The following IGSF9B variants were observed in gnomAD, a reference collection of about 807,000 sequenced individuals.
The protein encoded by IGSF9B is immunoglobulin superfamily member 9B, also known as protein turtle homolog B.
In IGSF9B, 48 loss-of-function variants were observed where a neutral mutation model predicts 143.7. The observed-to-expected ratio is 0.33, with a 90% CI of 0.26 to 0.42. IGSF9B has a LOEUF of 0.42. Among genes scored for constraint, IGSF9B ranks in the 20% least tolerant of loss-of-function variants. The pLI is 1.00. For missense variants in IGSF9B, 1,706 were observed against 1,980.0 expected, an observed-to-expected ratio of 0.86 and a Z score of 2.63; for synonymous variants, 903 against 833.1, an observed-to-expected ratio of 1.08 and a Z score of -1.44.
At position 133,925,727 on chromosome 11, in the gene IGSF9B, C is replaced by G. The variant is rs759282975; in HGVS notation, c.2034+12G>C. ...TTTGGGAAGCAGCAGCAAGGAAGAG[C>G]AAAGCCCTCACCTGTGACAGATCCT... On this transcript the variant is annotated intron_variant, in intron 14 of 19. Transcript: ENST00000533871. The G allele has an allele frequency of 3.7e-6, 6 of 1,608,290 alleles. No homozygotes were observed. In the African/African-American group the frequency reaches 8.0e-5, roughly 21 times the overall value.
rs1591704681 is a variant in IGSF9B at position 133,904,217 on chromosome 11, C to T, written c.*4852G>A. Among the ~76,000 whole-genome samples, 1 of 152,234 alleles carries T rather than the reference C, an allele frequency of 6.6e-6. No individual in the cohort carries two copies. The highest frequency in any genetic ancestry group is 3.4e-3 in the Middle Eastern group (1 of 294). ...TCTATCACCATCACCATCACCAAGGCCCATGAACATTTTCAGATTGTGGAC... is the reference window on the plus strand; with the variant it reads ...TCTATCACCATCACCATCACCAAGGTCCATGAACATTTTCAGATTGTGGAC... On this transcript the variant is annotated 3_prime_UTR_variant, in exon 20 of 20. Transcript: ENST00000533871.
intron 19 of IGSF9B, among the ~76,000 whole-genome samples, chr11:133,910,591 C>A (rs1479148400): frequency 6.6e-6 from 1 of 152,096 alleles, no homozygotes; most frequent in Non-Finnish European, 1.5e-5. Context: ...AGAGGCTGAT[C>A]AATAACTCTG....
At chr11:133,947,206 G>T (rs898319386) in intron 1 of IGSF9B, among the ~76,000 whole-genome samples, 1 of 152,100 alleles carries the variant, frequency 6.6e-6, no homozygotes, top group Non-Finnish European at 1.5e-5. Flanking sequence ...CACCCCAAGC[G>T]CCGCAGCACC....
At position 133,929,594 on chromosome 11, in the gene IGSF9B, G is replaced by T. The variant is rs369385378; in HGVS notation, c.1631+77C>A. The stretch of plus-strand genomic sequence containing the variant: ...AGCCTCCTCCTACCTCCCCCCACCC[G>T]GGGTAGCCTGCAGGAAGACCGGGGA... On this transcript the variant is annotated intron_variant, in intron 12 of 19. Transcript: ENST00000533871. 8.3e-6 allele frequency: 9 copies of T among 1,085,108 alleles called. No homozygotes were observed. In the South Asian group the frequency reaches 1.2e-4, roughly 14 times the overall value. 67.2% of individuals were successfully genotyped at this position (1,085,108 alleles called of 1,614,324 possible).
chr11:133,932,031 G>A lies in IGSF9B; in HGVS notation c.1110+40C>T, dbSNP rs115919111. On this transcript the variant is annotated intron_variant, in intron 8 of 19. Coordinates refer to ENST00000533871, the MANE Select transcript of IGSF9B (RefSeq NM_001277285.4). The stretch of plus-strand genomic sequence containing the variant: ...AGAGGTGGCATCACAGTACTGGGGG[G>A]AGCCCTCACTCCAACCCTCAACATG... The A allele has an allele frequency of 3.1e-3, 4,915 of 1,587,356 alleles. 114 individuals are homozygous for A. The African/African-American group carries it at 0.053, about 17-fold the overall frequency.
chr11:133,919,716 G>A, intron 18 of IGSF9B, 26 bp downstream of exon 18: 1 of 1,345,392 alleles, frequency 7.4e-7, no homozygotes, highest in Non-Finnish European at 9.7e-7. Flanking sequence ...CCCAGGTGCG[G>A]GTGGCGGAAG....
chr11:133,935,785 G>C lies in IGSF9B; in HGVS notation c.822-23C>G. 1.9e-6 allele frequency: 3 copies of C among 1,606,354 alleles called. No homozygotes were observed. In the Middle Eastern group the frequency reaches 5.0e-4, roughly 266 times the overall value. ...TCGCTGCAAAGCGGCATGGGGACAG[G>C]GGGTTGGGCGAGCAGAAGGGGATCT... On this transcript the variant is annotated intron_variant, in intron 6 of 19. Coordinates refer to ENST00000533871, the MANE Select transcript of IGSF9B (RefSeq NM_001277285.4).
intron 11 of IGSF9B, among the ~76,000 whole-genome samples, chr11:133,930,089 C>T (rs1311643042): frequency 6.6e-6 from 1 of 152,162 alleles, no homozygotes; most frequent in Non-Finnish European, 1.5e-5. Context: ...TCCTGTGCTT[C>T]TCTGGTGAGC....
chr11:133,945,521 C>T lies in IGSF9B; in HGVS notation c.262+540G>A, dbSNP rs1342895397. ...CTCCCGCGGGCTGGGGGGCAGGCAG[C>T]GGCAGTGAGTCACGAGGCCTTTGCT... is the stretch of plus-strand genomic sequence containing the variant. On this transcript the variant is annotated intron_variant, in intron 2 of 19. Transcript: ENST00000533871. This position sits in a 1 kb window ranked among gnomAD's most constrained non-coding sequence, Gnocchi z 4.6. Among the ~76,000 whole-genome samples, 5 of 152,188 alleles carry T rather than the reference C, an allele frequency of 3.3e-5. No individual in the cohort carries two copies. The highest frequency in any genetic ancestry group is 5.9e-5 in the Non-Finnish European group (4 of 68,032).
intron 14 of IGSF9B, 34 bp downstream of exon 14, chr11:133,925,704 TG>T (rs1281730472): frequency 6.4e-7 from 1 of 1,571,590 alleles, no homozygotes; most frequent in Non-Finnish European, 8.7e-7. Context: ...TTCCCGGATT[TG>T]GGAAGCAGCA....
rs12099253 is a variant in IGSF9B at position 133,931,379 on chromosome 11, A to C, written c.1368+74T>G. 1,166 of 1,132,582 alleles carry C rather than the reference A, an allele frequency of 1.0e-3. 6 individuals carry two copies. The African/African-American group carries it at 0.014, about 14-fold the overall frequency. 70.2% of individuals were successfully genotyped at this position (1,132,582 alleles called of 1,614,324 possible). ...AGCCCCGGGGCTCGCTGGGCCCTCA[A>C]ACCTCCCCGCAGCCCCAGGGCTCCC... On this transcript the variant is annotated intron_variant, in intron 10 of 19. Transcript: ENST00000533871. This position sits in a 1 kb window ranked among gnomAD's most constrained non-coding sequence, Gnocchi z 7.7.
chr11:133,920,482 G>A lies in IGSF9B; in HGVS notation c.3243C>T (p.Pro1081=). The part of the protein sequence containing the change: ...QPKAGLPRGL[P]PTSLQVPAAY... ...CCGCGGGCACCTGCAGGGAGGTGGG[G>A]GGCAGTCCTCGGGGGAGGCCGGCCT... is the stretch of plus-strand genomic sequence containing the variant. The change falls in exon 18 of 20, where the codon CCC becomes CCT. Residue 1081 remains proline, a synonymous_variant. Coordinates refer to ENST00000533871, the MANE Select transcript of IGSF9B (RefSeq NM_001277285.4). The A allele has an allele frequency of 6.3e-7, 1 of 1,575,644 alleles. No individual in the cohort carries two copies. Among genetic ancestry groups the A allele is most frequent in the Non-Finnish European group, 8.6e-7 (1 of 1,159,780 alleles).
chr11:133,955,254 TTCCGCCA>T (rs1940230646), intron 1 of IGSF9B, among the ~76,000 whole-genome samples: 1 of 152,152 alleles, frequency 6.6e-6, no homozygotes, highest in Admixed American at 6.5e-5. Context: ...TTCCGTAAGC[TTCCGCCA>T]TCACCCTTGC....
chr11:133,927,170 G>T, intron 12 of IGSF9B, 79 bp from the exon 13 acceptor site: 2 of 1,210,100 alleles, frequency 1.7e-6, no homozygotes, highest in Non-Finnish European at 1.2e-6. Context: ...CATGCAGGGT[G>T]CTCAGGGAGA....
chr11:133,943,152 C>T (rs1203756354), intron 3 of IGSF9B, among the ~76,000 whole-genome samples: 5 of 152,156 alleles, frequency 3.3e-5, no homozygotes, highest in African/African-American at 1.2e-4. Context: ...CATCTATGGT[C>T]TCAAGGACCG....
At position 133,921,362 on chromosome 11, in the gene IGSF9B, C is replaced by A. The variant is rs750480606; in HGVS notation, c.2363G>T (p.Arg788Leu). Residue 788 changes from arginine to leucine, a missense_variant, in exon 18 of 20, where the codon CGC (arginine) becomes CTC (leucine). Physicochemically the swap from Arg to Leu is moderately radical, Grantham distance 102. Around this residue, in one of 7 missense-constraint regions of IGSF9B, gnomAD observed 135 missense variants for 181.3 expected, o/e 0.74. Transcript: ENST00000533871. ...GGATTCTGACGGCGCTCGGAGCGTGCGGATGCTCTCGGGGCTCACCTTGCC... is the reference window on the plus strand; with the variant it reads ...GGATTCTGACGGCGCTCGGAGCGTGAGGATGCTCTCGGGGCTCACCTTGCC... ...SSGKVSPESIRTLRAPSESSD... is the reference protein window; with the variant it reads ...SSGKVSPESILTLRAPSESSD... 17 of 1,552,820 alleles carry A rather than the reference C, an allele frequency of 1.1e-5. No homozygotes were observed. The highest frequency in any genetic ancestry group is 1.8e-5 in the Admixed American group (1 of 54,076).
chr11:133,938,540 A>T (rs904748076), intron 3 of IGSF9B, among the ~76,000 whole-genome samples: 1 of 152,120 alleles, frequency 6.6e-6, no homozygotes, highest in Non-Finnish European at 1.5e-5. Flanking sequence ...TCCTCTGATC[A>T]TGTCAGGTCA....
rs1940004823 is a variant in IGSF9B, at chr11:133,944,347, A to G, written c.282T>C (p.Asp94=). The G allele has an allele frequency of 1.2e-6, 2 of 1,613,866 alleles. No individual in the cohort carries two copies. ...PEYAGRASLH[D]KASLRLEQVR... Reference sequence around the variant, plus strand: ...CTTGTTCCAGCCGCAGAGATGCCTTATCATGAAGACTGGCCCGGCCTGGGG... The same window carrying G: ...CTTGTTCCAGCCGCAGAGATGCCTTGTCATGAAGACTGGCCCGGCCTGGGG... Residue 94 remains aspartate (D), a synonymous_variant, in exon 3 of 20, where the codon GAT becomes GAC. Transcript: ENST00000533871.
chr11:133,920,086 G>C lies in IGSF9B; in HGVS notation c.3639C>G (p.Thr1213=), dbSNP rs770337009. The stretch of plus-strand genomic sequence containing the variant: ...CACGGGCGGCGAGCTCAGGGGAGCC[G>C]GTGCGGGAGCTGAGGGGGCTTTGGG... The part of the protein sequence containing the change: ...PLTQSPLSSR[T]GSPELAARAR... Residue 1213 remains threonine (T), a synonymous_variant, in exon 18 of 20, where the codon ACC becomes ACG. Coordinates refer to ENST00000533871, the MANE Select transcript of IGSF9B (RefSeq NM_001277285.4). 6.6e-6 allele frequency: 10 copies of C among 1,526,384 alleles called. No homozygotes were observed. In the African/African-American group the frequency reaches 1.4e-4, roughly 21 times the overall value. The allele number at this position is 1,526,384 out of a possible 1,614,324, so 94.6% of individuals were successfully genotyped here. A position where few individuals can be genotyped will look rare whatever the true frequency, so the allele number is the denominator to read the frequency against.
Sources: gnomAD v4.1 joint callset for allele counts (sites outside exome capture counted in the v4.1 genomes callset) on GRCh38, gnomAD v4.1.1 for gene constraint, gnomAD v4.1.1 regional missense constraint, Gnocchi (gnomAD v3.1) non-coding constraint, MANE v1.5 for transcripts, NCBI Gene and HGNC (gene_info 2026-07-23, HGNC 2026-07-21) for gene names.